The following KCNAB2 variants were observed in gnomAD, a reference collection of about 807,000 sequenced individuals.
The protein encoded by KCNAB2 is voltage-gated potassium channel subunit beta-2.
In KCNAB2, 29 loss-of-function variants were observed where a neutral mutation model predicts 63.6. That is an observed-to-expected ratio of 0.46 (90% CI 0.34 to 0.62). The LOEUF (loss-of-function observed/expected upper bound fraction) is 0.62. Ranked by LOEUF, KCNAB2 falls within the 20% of genes least tolerant of loss-of-function variation. KCNAB2 has a pLI of 0.01. For missense variants in KCNAB2, 359 were observed against 563.9 expected (o/e 0.64, Z 3.68); for synonymous variants, 222 against 224.2 (o/e 0.99, Z 0.09).
intron 1 of KCNAB2, among the ~76,000 whole-genome samples, chr1:6,017,739 C>T (rs1025529886): frequency 2.0e-5 from 3 of 150,968 alleles, no homozygotes; most frequent in Admixed American, 2.0e-4. Context: ...TGCAGTGAGC[C>T]AAGATAGCGC....
chr1:6,041,702 G>C (rs1049642296), upstream of KCNAB2: 3 of 778,874 alleles, frequency 3.9e-6, no homozygotes, highest in Non-Finnish European at 4.4e-6. Flanking sequence ...CAGGCGACTG[G>C]TGGGGGCCCG....
At chr1:6,053,212 C>G (rs1365051181) in intron 2 of KCNAB2, among the ~76,000 whole-genome samples, 1 of 152,122 alleles carries the variant, frequency 6.6e-6, no homozygotes, top group Non-Finnish European at 1.5e-5. Context: ...GGAAATTTCT[C>G]AAGAAGGAGA....
chr1:6,043,111 C>G (rs994850380), upstream of KCNAB2, among the ~76,000 whole-genome samples: 1 of 152,118 alleles, frequency 6.6e-6, no homozygotes, highest in South Asian at 2.1e-4. Flanking sequence ...ATAACAGATC[C>G]TAACAAACAT....
In KCNAB2 at chr1:6,024,497, T is replaced by C. The variant is rs1203620260; in HGVS notation, c.-52-16020T>C. Among the ~76,000 whole-genome samples, 2 of 152,112 alleles carry C rather than the reference T, an allele frequency of 1.3e-5. No homozygotes were observed. The highest frequency in any genetic ancestry group is 4.8e-5 in the African/African-American group (2 of 41,406). On this transcript the variant is annotated intron_variant, in intron 1 of 16. Coordinates refer to the KCNAB2 transcript ENST00000341524. This position sits in a 1 kb window ranked among gnomAD's most constrained non-coding sequence, Gnocchi z 5.4. ...AAAAGAGTTGGCAAATATCTGAAAA[T>C]ACAATTTATTTTTAAGAGCCAGGAA...
intron 5 of KCNAB2, among the ~76,000 whole-genome samples, chr1:6,084,608 G>T (rs1273450073): frequency 2.0e-5 from 3 of 151,984 alleles, no homozygotes; most frequent in Admixed American, 6.5e-5. Context: ...TCGAGATGAG[G>T]AGTTCGAGAC....
At chr1:6,080,416 C>T (rs1012804628) in intron 4 of KCNAB2, among the ~76,000 whole-genome samples, 5 of 152,252 alleles carry the variant, frequency 3.3e-5, no homozygotes, top group African/African-American at 7.2e-5. Context: ...CCTCGGGCGG[C>T]GGATGCATTT....
chr1:6,018,165 A>G (rs776995977), intron 1 of KCNAB2, among the ~76,000 whole-genome samples: 33 of 150,416 alleles, frequency 2.2e-4, no homozygotes, highest in Middle Eastern at 3.5e-3. Flanking sequence ...AACTCAGCTC[A>G]AGCAATCCTC....
upstream of KCNAB2, among the ~76,000 whole-genome samples, chr1:6,032,894 A>G (rs1392187327): frequency 6.6e-6 from 1 of 152,242 alleles, no homozygotes; most frequent in East Asian, 1.9e-4. Context: ...TCAATGTCAT[A>G]AAAAACAAAA....
chr1:6,040,566 T>C (rs1179462427), exon 2 of KCNAB2: 2 of 1,614,000 alleles, frequency 1.2e-6, no homozygotes. Flanking sequence ...TGAGGCTGGC[T>C]CCATGTATCC....
chr1:6,081,589 A>C (rs11121191), intron 4 of KCNAB2, among the ~76,000 whole-genome samples: 105,699 of 152,086 alleles, frequency 0.69, 37,138 homozygotes, highest in East Asian at 0.9. Context: ...TTGGCAGGGC[A>C]AGGTTCCCTG....
At chr1:6,038,069 G>A (rs1660199027) in intron 1 of KCNAB2, among the ~76,000 whole-genome samples, 1 of 151,348 alleles carries the variant, frequency 6.6e-6, no homozygotes, top group East Asian at 1.9e-4. Context: ...AGTAGAGACG[G>A]GGTTTCACTG....
chr1:6,009,617 A>T (rs1658033322), intron 1 of KCNAB2, among the ~76,000 whole-genome samples: 1 of 152,226 alleles, frequency 6.6e-6, no homozygotes, highest in African/African-American at 2.4e-5. Context: ...TTAGTTTTAA[A>T]GGGAAAAAGA....
chr1:6,068,217 C>T (rs1662914031), intron 2 of KCNAB2, among the ~76,000 whole-genome samples: 1 of 152,240 alleles, frequency 6.6e-6, no homozygotes. Context: ...CCTCCTAAAA[C>T]TCATTGAGGA....
At chr1:6,015,237 C>T (rs1278708843) in intron 1 of KCNAB2, among the ~76,000 whole-genome samples, 1 of 151,964 alleles carries the variant, frequency 6.6e-6, no homozygotes, top group Non-Finnish European at 1.5e-5. Context: ...ATCATGTTGG[C>T]CAGGCTGATT....
rs1178221973 is a variant in KCNAB2 at position 6,096,310 on chromosome 1, C to T, written c.949-326C>T. The T allele has an allele frequency of 4.9e-6, 2 of 412,332 alleles. No homozygotes were observed. Among genetic ancestry groups the T allele is most frequent in the East Asian group, 1.1e-4 (2 of 18,188 alleles). The allele number at this position is 412,332 out of a possible 1,614,324, so 25.5% of individuals were successfully genotyped here. On this transcript the variant is annotated intron_variant, in intron 13 of 15. Coordinates refer to ENST00000378083, the MANE Select transcript of KCNAB2 (RefSeq NM_001199862.2). This position sits in a 1 kb window ranked among gnomAD's most constrained non-coding sequence, Gnocchi z 5.9. ...GTTCTTCTGGGCCACGGGTGGCAGC[C>T]GAGACCCCAGGCTGCCAAGTTTCCT...
chr1:6,018,246 T>A (rs959196066), intron 1 of KCNAB2, among the ~76,000 whole-genome samples: 4 of 152,022 alleles, frequency 2.6e-5, no homozygotes, highest in African/African-American at 7.3e-5. Context: ...CAGGCAAATG[T>A]TTTCATAGAG....
intron 1 of KCNAB2, among the ~76,000 whole-genome samples, chr1:6,014,475 AAC>A (rs371633193): frequency 2.0e-5 from 3 of 152,266 alleles, no homozygotes; most frequent in Admixed American, 6.5e-5. Context: ...AGGGAGAAAG[AAC>A]ACACAGTCTG....
chr1:6,030,249 C>G (rs1383361402), upstream of KCNAB2, among the ~76,000 whole-genome samples: 1 of 152,198 alleles, frequency 6.6e-6, no homozygotes, highest in Non-Finnish European at 1.5e-5. Flanking sequence ...TTCCATGTCA[C>G]AGAGAAGCTG....
chr1:6,041,963 G>T, upstream of KCNAB2: 1 of 1,201,742 alleles, frequency 8.3e-7, no homozygotes, highest in Admixed American at 1.7e-5. Context: ...GGGTGTGCTG[G>T]TGTATTCTCT....
Sources: gnomAD v4.1 joint callset for allele counts (sites outside exome capture counted in the v4.1 genomes callset) on GRCh38, gnomAD v4.1.1 for gene constraint, Gnocchi (gnomAD v3.1) non-coding constraint, MANE v1.5 for transcripts, NCBI Gene and HGNC (gene_info 2026-07-23, HGNC 2026-07-21) for gene names.